Variants in ZNF695 observed in about 807,000 individuals in gnomAD.
The protein encoded by ZNF695 is zinc finger protein 695, also known as zinc finger protein SBZF3.
Under a neutral mutation model 11.2 loss-of-function variants are expected in ZNF695, and 11 were observed. That is an observed-to-expected ratio of 0.98 (90% CI 0.62 to 1.62). The LOEUF (loss-of-function observed/expected upper bound fraction) is 1.62, where lower values mean the gene tolerates loss of function less well. Ranked by LOEUF, ZNF695 falls within the 40% of genes most tolerant of loss-of-function variation. The pLI, the probability that ZNF695 is intolerant of heterozygous loss-of-function variation, is 0.00. For synonymous variants in ZNF695, 190 were observed against 201.4 expected (o/e 0.94, Z 0.48); for missense variants, 559 against 590.5 (o/e 0.95, Z 0.55).
downstream of ZNF695, among the ~76,000 whole-genome samples, chr1:246,982,461 C>T (rs1201984836): frequency 1.3e-5 from 2 of 152,142 alleles, no homozygotes; most frequent in African/African-American, 4.8e-5. Flanking sequence ...TTCTAAGATA[C>T]ATTTGCTCTT....
Position 246,957,250 on chromosome 1 carries a change from G to T in ZNF695, c.488+10445C>A, listed in dbSNP as rs142829845. Among the ~76,000 whole-genome samples, 599 of 152,132 alleles carry T rather than the reference G, an allele frequency of 3.9e-3. 1 individual carries two copies. The highest frequency in any genetic ancestry group is 0.013 in the African/African-American group (557 of 41,510). On this transcript the variant is annotated intron_variant, in intron 5 of 5. Transcript: ENST00000487338. ...TACAAAAAATTAGCTGGGCGTGGTG[G>T]TGCACTCCTGTAGTCCCAGCTACTC...
intron 4 of ZNF695, among the ~76,000 whole-genome samples, chr1:246,970,716 A>C (rs1341400590): frequency 6.6e-6 from 1 of 152,232 alleles, no homozygotes; most frequent in African/African-American, 2.4e-5. Context: ...ACTTAGGGTG[A>C]GGAGTAAAGA....
chr1:247,000,159 G>A (rs1258116523), intron 1 of ZNF695, 85 bp from the exon 2 acceptor site: 57 of 1,148,442 alleles, frequency 5.0e-5, no homozygotes, highest in Non-Finnish European at 7.0e-5. Context: ...AAGAGAACTG[G>A]CTCTGACTTA....
chr1:246,953,699 G>A (rs1027166889), intron 5 of ZNF695, among the ~76,000 whole-genome samples: 1 of 152,028 alleles, frequency 6.6e-6, no homozygotes, highest in Non-Finnish European at 1.5e-5. Flanking sequence ...AAGGTAGGTG[G>A]GTCACCTGAG....
chr1:246,999,153 G>A (rs960403463), intron 3 of ZNF695, among the ~76,000 whole-genome samples, 195 bp downstream of exon 3: 1 of 152,132 alleles, frequency 6.6e-6, no homozygotes. Flanking sequence ...GAAAATGACT[G>A]AAGGGAAATA....
chr1:246,969,280 T>G (rs777489245), intron 4 of ZNF695: 3 of 152,386 alleles, frequency 2.0e-5, no homozygotes, highest in Non-Finnish European at 4.4e-5. Flanking sequence ...ATACCCTAAA[T>G]CATCTCTCTC....
rs571488076 is a variant in ZNF695, at chr1:246,955,017, AG to A, written c.489-9191del. ...TCCCATAATCCCCACGTGTCATGGG[AG>A]GGACCTGGTGGGAGGTAATTGAATC... On this transcript the variant is annotated intron_variant, in intron 5 of 5. Coordinates refer to the ZNF695 transcript ENST00000487338. Among the ~76,000 whole-genome samples the A allele has an allele frequency of 2.0e-4, 30 of 152,164 alleles. No homozygotes were observed. The South Asian group carries it at 6.2e-3, about 32-fold the overall frequency.
chr1:246,984,280 T>TA (rs1278200712), downstream of ZNF695, among the ~76,000 whole-genome samples: 239 of 130,918 alleles, frequency 1.8e-3, 1 homozygote, highest in Middle Eastern at 7.9e-3. Flanking sequence ...ACACAGGTTT[T>TA]AAAAAAAAAA....
At chr1:246,968,235 G>A (rs963029276) in intron 4 of ZNF695, 6 of 152,226 alleles carry the variant, frequency 3.9e-5, no homozygotes, top group African/African-American at 1.4e-4. Flanking sequence ...TTCCAAAAGG[G>A]AGACATTGGC....
chr1:247,000,767 G>A (rs1287668357), intron 1 of ZNF695, among the ~76,000 whole-genome samples: 1 of 152,210 alleles, frequency 6.6e-6, no homozygotes, highest in Non-Finnish European at 1.5e-5. Flanking sequence ...TGTCAGTGAA[G>A]TAGGAATCTT....
Position 246,985,477 on chromosome 1 carries a change from C to T in ZNF695, c.*1490G>A. Reference sequence around the variant, plus strand: ...CTGGGAGAAGGGATCATTAGAGATACTATTCCACCATGTTACCCACTATTG... The same window carrying T: ...CTGGGAGAAGGGATCATTAGAGATATTATTCCACCATGTTACCCACTATTG... On this transcript the variant is annotated 3_prime_UTR_variant, in exon 4 of 4. Coordinates refer to ENST00000339986, the MANE Select transcript of ZNF695 (RefSeq NM_020394.5). 1.0e-6 allele frequency: 1 copy of T among 985,348 alleles called. No homozygotes were observed. The highest frequency in any genetic ancestry group is 1.1e-4 in the East Asian group (1 of 8,806). 61.0% of individuals were successfully genotyped at this position (985,348 alleles called of 1,614,324 possible).
At chr1:246,963,818 T>A (rs900743749) in intron 5 of ZNF695, among the ~76,000 whole-genome samples, 2 of 152,134 alleles carry the variant, frequency 1.3e-5, no homozygotes, top group African/African-American at 4.8e-5. Flanking sequence ...TACCTGGAGT[T>A]AGAGTCAGAT....
chr1:246,990,516 C>T (rs1669001119), intron 3 of ZNF695, among the ~76,000 whole-genome samples: 1 of 152,188 alleles, frequency 6.6e-6, no homozygotes, highest in South Asian at 2.1e-4. Flanking sequence ...ACAGTAACCG[C>T]TATATACTTC....
intron 1 of ZNF695, among the ~76,000 whole-genome samples, chr1:247,002,606 C>A (rs56281962): frequency 1.3e-5 from 2 of 152,046 alleles, no homozygotes; most frequent in African/African-American, 4.8e-5. Context: ...GCCAACATGG[C>A]GAAACCCCAT....
At position 246,958,358 on chromosome 1, in the gene ZNF695, G is replaced by A. The variant is rs374501391; in HGVS notation, c.488+9337C>T. 7.2e-5 allele frequency among the ~76,000 whole-genome samples: 11 copies of A among 151,944 alleles called. No individual in the cohort carries two copies. In the South Asian group the frequency reaches 1.5e-3, roughly 20 times the overall value. On this transcript the variant is annotated intron_variant, in intron 5 of 5. Transcript: ENST00000487338. ...CAGGCGTGAGCCACTGCACCCAGCC[G>A]GGACTTGTCTTATGATTGCCCCAGT...
chr1:246,981,857 G>A (rs1305790596), downstream of ZNF695, among the ~76,000 whole-genome samples: 1 of 152,150 alleles, frequency 6.6e-6, no homozygotes, highest in East Asian at 1.9e-4. Context: ...TAGAGTGAAT[G>A]GCCAAGCGGT....
At chr1:247,002,630 A>G (rs981589508) in intron 1 of ZNF695, among the ~76,000 whole-genome samples, 6 of 152,186 alleles carry the variant, frequency 3.9e-5, no homozygotes, top group African/African-American at 1.4e-4. Context: ...AACTAAAAAT[A>G]CAAAAATTAG....
At chr1:247,002,884 A>G (rs79062522) in intron 1 of ZNF695, among the ~76,000 whole-genome samples, 1,955 of 152,340 alleles carry the variant, frequency 0.013, 39 homozygotes, top group African/African-American at 0.045. Context: ...GACATCACTA[A>G]TCATCAGAGA....
At chr1:246,975,847 A>G (rs929887043) in intron 4 of ZNF695, among the ~76,000 whole-genome samples, 3 of 152,234 alleles carry the variant, frequency 2.0e-5, no homozygotes, top group African/African-American at 7.2e-5. Flanking sequence ...GAATCTTTAA[A>G]GAGGCTAAGT....
Sources: allele counts gnomAD v4.1 joint callset (sites outside exome capture counted in the v4.1 genomes callset), GRCh38; gene constraint gnomAD v4.1.1; transcripts MANE v1.5; gene names NCBI Gene and HGNC (gene_info 2026-07-23, HGNC 2026-07-21).